The following TSPAN9 variants were observed in gnomAD, a reference collection of about 807,000 sequenced individuals.
TSPAN9 encodes tetraspanin-9.
Under a neutral mutation model 31.0 loss-of-function variants are expected in TSPAN9, and 16 were observed. The observed-to-expected ratio is 0.52, with a 90% CI of 0.35 to 0.78. The LOEUF (loss-of-function observed/expected upper bound fraction) is 0.78, where lower values mean the gene tolerates loss of function less well. Among genes scored for constraint, TSPAN9 ranks in the 30% least tolerant of loss-of-function variants. TSPAN9 has a pLI of 0.01. For missense variants in TSPAN9, 272 were observed against 312.5 expected (o/e 0.87, Z 0.98); for synonymous variants, 145 against 121.6 (o/e 1.19, Z -1.27).
chr12:3,230,632 G>A (rs1262340770), intron 3 of TSPAN9, among the ~76,000 whole-genome samples: 1 of 152,092 alleles, frequency 6.6e-6, no homozygotes, highest in Non-Finnish European at 1.5e-5. Flanking sequence ...GGTTTCCTCA[G>A]CCCCTGGAGA....
At chr12:3,151,020 A>G (rs1480104820) in intron 2 of TSPAN9, 2 of 152,166 alleles carry the variant, frequency 1.3e-5, no homozygotes, top group African/African-American at 4.8e-5. Flanking sequence ...CTAGCCAGGG[A>G]CACAATTGGA....
rs915733048 is a variant in TSPAN9, at chr12:3,134,545, C to T, written c.-18+50826C>T. ...CTGCAAGGGTCTGCTTGCCTCCGCT[C>T]GGGGCTGCTGCTTTGGGGTGGAAGG... On this transcript the variant is annotated intron_variant, in intron 2 of 8. Coordinates refer to ENST00000011898, the MANE Select transcript of TSPAN9 (RefSeq NM_006675.5). Among the ~76,000 whole-genome samples the T allele has an allele frequency of 8.5e-5, 13 of 152,190 alleles. 1 individual carries two copies. The highest frequency in any genetic ancestry group is 6.5e-4 in the Admixed American group (10 of 15,288).
intron 3 of TSPAN9, among the ~76,000 whole-genome samples, chr12:3,231,295 T>C (rs113971406): frequency 0.01 from 1,589 of 152,248 alleles, 16 homozygotes; most frequent in Middle Eastern, 0.024. Context: ...CTGCCCCTTT[T>C]TGGGCCTCAG....
chr12:3,238,686 C>T (rs1477020286), intron 3 of TSPAN9, among the ~76,000 whole-genome samples: 3 of 152,192 alleles, frequency 2.0e-5, no homozygotes, highest in East Asian at 1.9e-4. Context: ...ACTCAAAAAA[C>T]GGGGTAAAGA....
intron 3 of TSPAN9, among the ~76,000 whole-genome samples, chr12:3,238,674 C>G (rs1425620235): frequency 6.6e-6 from 1 of 152,152 alleles, no homozygotes; most frequent in East Asian, 1.9e-4. Context: ...CTTCATTTCT[C>G]CACTCAAAAA....
At chr12:3,177,384 G>A (rs1474909039) in intron 2 of TSPAN9, among the ~76,000 whole-genome samples, 5 of 151,260 alleles carry the variant, frequency 3.3e-5, no homozygotes, top group East Asian at 2.0e-4. Context: ...TGATCTGTCC[G>A]CCTCGGCCTC....
chr12:3,094,327 T>G (rs568897600), intron 2 of TSPAN9, among the ~76,000 whole-genome samples: 4,328 of 152,140 alleles, frequency 0.028, 200 homozygotes, highest in African/African-American at 0.1. Flanking sequence ...ATTGCCTCTA[T>G]TAGAGAAATT....
At chr12:3,211,685 G>A in intron 3 of TSPAN9, 1 of 1,575,748 alleles carries the variant, frequency 6.3e-7, no homozygotes. Flanking sequence ...CCTCCTGAAG[G>A]AACATCCTTC....
intron 2 of TSPAN9, among the ~76,000 whole-genome samples, chr12:3,175,277 G>A (rs2098354887): frequency 6.6e-6 from 1 of 152,196 alleles, no homozygotes; most frequent in African/African-American, 2.4e-5. Flanking sequence ...CCTCGGCCTT[G>A]ACCTTGAGGA....
At chr12:3,135,149 C>T (rs1052002462) in intron 2 of TSPAN9, among the ~76,000 whole-genome samples, 5 of 152,098 alleles carry the variant, frequency 3.3e-5, no homozygotes, top group African/African-American at 7.2e-5. Flanking sequence ...GTGTCACGAT[C>T]GGAGCTCACT....
intron 3 of TSPAN9, among the ~76,000 whole-genome samples, chr12:3,276,030 G>A (rs1372377916): frequency 6.6e-6 from 1 of 152,190 alleles, no homozygotes. Context: ...TAGCCTCCTG[G>A]TATGAGTCGT....
At chr12:3,178,836 G>T (rs1316133342) in intron 2 of TSPAN9, among the ~76,000 whole-genome samples, 1 of 152,208 alleles carries the variant, frequency 6.6e-6, no homozygotes, top group Non-Finnish European at 1.5e-5. Flanking sequence ...CTGTGGGTCA[G>T]GCAGGTTAGC....
chr12:3,232,915 C>T (rs1413254485), intron 3 of TSPAN9, among the ~76,000 whole-genome samples: 4 of 152,214 alleles, frequency 2.6e-5, no homozygotes, highest in African/African-American at 9.6e-5. Flanking sequence ...TTCAGAGCCA[C>T]ACAGAAAGAT....
intron 3 of TSPAN9, among the ~76,000 whole-genome samples, chr12:3,224,664 C>T (rs887701514): frequency 4.6e-5 from 7 of 152,360 alleles, no homozygotes; most frequent in Non-Finnish European, 8.8e-5. Flanking sequence ...CTGGGATCTC[C>T]GATGAGGCCT....
At chr12:3,229,022 C>T (rs1466672782) in intron 3 of TSPAN9, among the ~76,000 whole-genome samples, 1 of 152,192 alleles carries the variant, frequency 6.6e-6, no homozygotes, top group African/African-American at 2.4e-5. Flanking sequence ...TTTAGCCCTC[C>T]CAGGTCATCC....
chr12:3,283,469 G>A lies in TSPAN9; in HGVS notation c.*353G>A. 4.8e-6 allele frequency: 1 copy of A among 206,346 alleles called. No individual in the cohort carries two copies. The highest frequency in any genetic ancestry group is 9.6e-6 in the Non-Finnish European group (1 of 103,916). 12.8% of individuals were successfully genotyped at this position (206,346 alleles called of 1,614,324 possible). A position where few individuals can be genotyped will look rare whatever the true frequency, so the allele number is the denominator to read the frequency against. ...ACACTTTGTCCCCACATGGGGTGGG[G>A]AGCAGAGTGCCCGCCCCGTGGAGAT... On this transcript the variant is annotated 3_prime_UTR_variant, in exon 9 of 9. Transcript: ENST00000011898.
intron 2 of TSPAN9, among the ~76,000 whole-genome samples, chr12:3,156,529 TCTCA>T (rs1748971342): frequency 6.6e-6 from 1 of 151,162 alleles, no homozygotes; most frequent in Non-Finnish European, 1.5e-5. Flanking sequence ...TTAGATGGAG[TCTCA>T]CTCTGTCACC....
intron 3 of TSPAN9, among the ~76,000 whole-genome samples, chr12:3,261,952 G>A (rs1234328035): frequency 1.3e-5 from 2 of 152,204 alleles, no homozygotes; most frequent in East Asian, 3.9e-4. Flanking sequence ...CCCGCTTTTT[G>A]CGGAAGGGGC....
chr12:3,097,506 C>G (rs2098309715), intron 2 of TSPAN9, among the ~76,000 whole-genome samples: 1 of 152,170 alleles, frequency 6.6e-6, no homozygotes, highest in South Asian at 2.1e-4. Flanking sequence ...GGTGCTCACC[C>G]CGGAACCCAC....
Sources: gnomAD v4.1 joint callset for allele counts (sites outside exome capture counted in the v4.1 genomes callset) on GRCh38, gnomAD v4.1.1 for gene constraint, MANE v1.5 for transcripts, NCBI Gene and HGNC (gene_info 2026-07-23, HGNC 2026-07-21) for gene names.